Variants in PDZD8 observed in about 807,000 individuals in gnomAD.
PDZD8 encodes the protein PDZ domain-containing protein 8.
PDZD8 carries 14 observed loss-of-function variants against 85.8 expected under a neutral mutation model. The observed-to-expected ratio is 0.16, with a 90% CI of 0.11 to 0.26. The LOEUF (loss-of-function observed/expected upper bound fraction) is 0.26. Ranked by LOEUF, PDZD8 falls within the 10% of genes least tolerant of loss-of-function variation. The pLI is 1.00. For missense variants in PDZD8, 1,197 were observed against 1,424.3 expected (o/e 0.84, Z 2.57); for synonymous variants, 592 against 568.6 (o/e 1.04, Z -0.59).
intron 2 of PDZD8, among the ~76,000 whole-genome samples, chr10:117,333,120 A>AAAAAAAC (rs1266677929): frequency 0.03 from 3,261 of 110,104 alleles, 475 homozygotes; most frequent in African/African-American, 0.065. Context: ...TCTGTCTCAA[A>AAAAAAAC]AAAAAAAAAA....
chr10:117,283,707 T>A lies in PDZD8; in HGVS notation c.3026A>T (p.Asp1009Val). ...IKLVRKEGGL[D>V]DSVFIAVKEI... ...TTTAACTGCAATGAAAACACTGTCA[T>A]CCAGACCACCCTCTTTTCTCACTAA... Residue 1009 changes from aspartate (D) to valine (V), a missense_variant, in exon 5 of 5, where the codon GAT becomes GTT. Asp to Val is a radical substitution (Grantham distance 152). This residue lies in a region of PDZD8 where 418 missense variants were observed against 571.1 expected (regional missense o/e 0.73). Transcript: ENST00000334464. 6.2e-7 allele frequency: 1 copy of A among 1,614,212 alleles called. No individual in the cohort carries two copies.
In PDZD8 at chr10:117,374,300, T is replaced by A. The variant is rs926268066; in HGVS notation, c.872+56A>T. 4.2e-5 allele frequency: 67 copies of A among 1,589,404 alleles called. No individual in the cohort carries two copies. Among genetic ancestry groups the A allele is most frequent in the South Asian group, 1.7e-4 (15 of 86,162 alleles). ...TTTGCCCTTCCCAATCCACGCAGCG[T>A]CCCGCCCAGGCCCGGGTTCCCGGCA... On this transcript the variant is annotated intron_variant, in intron 1 of 4. Transcript: ENST00000334464. The surrounding 1 kb of genome is among the most constrained non-coding windows in gnomAD (Gnocchi z 7.8).
At chr10:117,356,107 T>G (rs1844890628) in intron 1 of PDZD8, among the ~76,000 whole-genome samples, 1 of 152,168 alleles carries the variant, frequency 6.6e-6, no homozygotes, top group African/African-American at 2.4e-5. Context: ...TAGATCCAGA[T>G]CTCAGTCTTA....
intron 3 of PDZD8, among the ~76,000 whole-genome samples, chr10:117,313,444 C>T (rs1321357883): frequency 2.0e-5 from 3 of 151,990 alleles, no homozygotes. Flanking sequence ...TAAGTAAGTG[C>T]CACATATTAT....
intron 1 of PDZD8, among the ~76,000 whole-genome samples, chr10:117,357,766 C>CAAAAAAA (rs767138640): frequency 4.2e-5 from 2 of 47,460 alleles, no homozygotes; most frequent in South Asian, 8.7e-4. Context: ...ACTTCATCTC[C>CAAAAAAA]AAAAAAAAAA....
chr10:117,296,687 T>G (rs1843765240), intron 3 of PDZD8, among the ~76,000 whole-genome samples: 1 of 151,966 alleles, frequency 6.6e-6, no homozygotes, highest in Non-Finnish European at 1.5e-5. Flanking sequence ...TGGACACAGG[T>G]GCTAGATTAA....
intron 1 of PDZD8, among the ~76,000 whole-genome samples, 184 bp from the exon 2 acceptor site, chr10:117,341,286 C>A (rs1307113425): frequency 6.6e-6 from 1 of 152,134 alleles, no homozygotes; most frequent in Non-Finnish European, 1.5e-5. Context: ...GCTATGGCAC[C>A]CATAAGTCTT....
intron 4 of PDZD8, among the ~76,000 whole-genome samples, chr10:117,286,127 G>A (rs1002011714): frequency 3.3e-5 from 5 of 152,114 alleles, no homozygotes; most frequent in African/African-American, 7.2e-5. Context: ...TAATATCTAC[G>A]TTGTTTTTAT....
chr10:117,326,449 C>T (rs1844317255), intron 2 of PDZD8, among the ~76,000 whole-genome samples: 1 of 152,216 alleles, frequency 6.6e-6, no homozygotes, highest in African/African-American at 2.4e-5. Flanking sequence ...CAAGCCTCCT[C>T]ATCATAATGA....
chr10:117,312,762 T>C (rs1844060199), intron 3 of PDZD8, among the ~76,000 whole-genome samples: 1 of 152,090 alleles, frequency 6.6e-6, no homozygotes, highest in South Asian at 2.1e-4. Context: ...AGAACACTAA[T>C]TTTTTTCCCA....
chr10:117,326,035 G>T (rs1015187840), intron 2 of PDZD8, among the ~76,000 whole-genome samples: 3 of 152,120 alleles, frequency 2.0e-5, no homozygotes, highest in African/African-American at 7.2e-5. Context: ...CTGTCACCTT[G>T]TGAAGAAGGT....
At chr10:117,366,156 A>G (rs1006502961) in intron 1 of PDZD8, among the ~76,000 whole-genome samples, 1 of 152,198 alleles carries the variant, frequency 6.6e-6, no homozygotes, top group African/African-American at 2.4e-5. Flanking sequence ...CATTTTAAGA[A>G]GGTAAGCAAA....
Position 117,368,462 on chromosome 10 carries a change from A to G in PDZD8, c.872+5894T>C, listed in dbSNP as rs1378435433. ...ATTATAACCATCAAGGAATTTTAGT[A>G]GCTATTTTAAAATATTTTCCAATGT... On this transcript the variant is annotated intron_variant, in intron 1 of 4. Coordinates refer to ENST00000334464, the MANE Select transcript of PDZD8 (RefSeq NM_173791.5). Among the ~76,000 whole-genome samples the G allele has an allele frequency of 2.0e-5, 3 of 152,362 alleles. No individual in the cohort carries two copies. The East Asian group carries it at 5.8e-4, about 29-fold the overall frequency.
intron 3 of PDZD8, among the ~76,000 whole-genome samples, chr10:117,295,009 A>T (rs989126293): frequency 6.6e-6 from 1 of 152,136 alleles, no homozygotes; most frequent in African/African-American, 2.4e-5. Context: ...TAATATTTTC[A>T]CCACAAAGAA....
In PDZD8 at chr10:117,374,410, T is replaced by A. The variant is rs751452888; in HGVS notation, c.818A>T (p.Asn273Ile). ...PMPQLTSIIV[N>I]QLKKIIKRKH... The stretch of plus-strand genomic sequence containing the variant: ...GCGCTTGATGATCTTCTTGAGCTGG[T>A]TGACGATGATGGAGGTGAGCTGGGG... Residue 273 changes from asparagine to isoleucine, a missense_variant, in exon 1 of 5, where the codon AAC becomes ATC. By Grantham distance (149) the Asn-to-Ile change is moderately radical. Coordinates refer to ENST00000334464, the MANE Select transcript of PDZD8 (RefSeq NM_173791.5). This position sits in a 1 kb window ranked among gnomAD's most constrained non-coding sequence, Gnocchi z 7.8. The A allele has an allele frequency of 2.5e-6, 4 of 1,614,208 alleles. No individual in the cohort carries two copies. The Admixed American group carries it at 5.0e-5, about 20-fold the overall frequency.
At chr10:117,308,418 A>T (rs1460015664) in intron 3 of PDZD8, among the ~76,000 whole-genome samples, 1 of 152,092 alleles carries the variant, frequency 6.6e-6, no homozygotes, top group Non-Finnish European at 1.5e-5. Flanking sequence ...ATTTATGAGG[A>T]CACACAAAAT....
chr10:117,350,458 G>A (rs530146000), intron 1 of PDZD8, among the ~76,000 whole-genome samples: 37 of 150,924 alleles, frequency 2.5e-4, no homozygotes, highest in African/African-American at 8.7e-4. Flanking sequence ...TAGAGACGAG[G>A]TTTCACTGTG....
At chr10:117,326,943 T>C (rs1295238663) in intron 2 of PDZD8, among the ~76,000 whole-genome samples, 1 of 152,212 alleles carries the variant, frequency 6.6e-6, no homozygotes. Context: ...CTTTGATCTA[T>C]CTGATTTGAT....
chr10:117,359,028 C>T (rs1277477947), intron 1 of PDZD8, among the ~76,000 whole-genome samples: 1 of 151,934 alleles, frequency 6.6e-6, no homozygotes. Context: ...GCTTCAGATT[C>T]CATGTGGTGA....
Sources: allele counts gnomAD v4.1 joint callset (sites outside exome capture counted in the v4.1 genomes callset), GRCh38; gene constraint gnomAD v4.1.1; regional missense constraint gnomAD v4.1.1; non-coding constraint Gnocchi (gnomAD v3.1); transcripts MANE v1.5; gene names NCBI Gene and HGNC (gene_info 2026-07-23, HGNC 2026-07-21).